The following TRIM25 variants were observed in gnomAD, a reference collection of about 807,000 sequenced individuals.
TRIM25 encodes E3 ubiquitin/ISG15 ligase TRIM25.
Under a neutral mutation model 65.2 loss-of-function variants are expected in TRIM25, and 45 were observed. That is an observed-to-expected ratio of 0.69 (90% confidence interval 0.54 to 0.89). The LOEUF is 0.89. Ranked by LOEUF, TRIM25 falls within the 40% of genes least tolerant of loss-of-function variation. The pLI is 0.00. For synonymous variants in TRIM25, 321 were observed against 340.4 expected (o/e 0.94, Z 0.63); for missense variants, 714 against 803.7 (o/e 0.89, Z 1.35).
rs1486032908 is a variant in TRIM25, at chr17:56,913,514, G to A, written c.475C>T (p.Gln159Ter). 1 of 1,613,872 alleles carries A rather than the reference G, an allele frequency of 6.2e-7. No homozygotes were observed. The highest frequency in any genetic ancestry group is 2.2e-5 in the East Asian group (1 of 44,872). The change falls in exon 1 of 9, where the codon CAG becomes TAG. Residue 159 changes from glutamine (Q) to a stop codon, truncating the protein, a stop_gained. Coordinates refer to ENST00000316881, the MANE Select transcript of TRIM25 (RefSeq NM_005082.5). LOFTEE classifies it high-confidence loss of function. This position sits in a 1 kb window ranked among gnomAD's most constrained non-coding sequence, Gnocchi z 6.1. ...AAAAATTCCCGCAGCCGATTGTGCT[G>A]GGAACATTTGCGGCGCAACAGGTCG... ...VRDLLRRKCS[Q>*]HNRLREFFCP... is the part of the protein sequence containing the mutation.
At chr17:56,899,024 G>T in intron 5 of TRIM25, 91 bp downstream of exon 5, 3 of 1,481,016 alleles carry the variant, frequency 2.0e-6, no homozygotes, top group East Asian at 2.3e-5. Flanking sequence ...AGGCCCCACA[G>T]TGACTCGGGA....
rs1909126976 is a variant in TRIM25 at position 56,889,670 on chromosome 17, T to C, written c.*2030A>G. On this transcript the variant is annotated 3_prime_UTR_variant, in exon 9 of 9. Coordinates refer to ENST00000316881, the MANE Select transcript of TRIM25 (RefSeq NM_005082.5). ...ACATTTGCCAGGGAAGTGGCCTCAC[T>C]GTTGCCCTCATTTCTGCAGAAGAGA... The C allele has an allele frequency of 2.5e-6, 1 of 398,364 alleles. No homozygotes were observed. Among genetic ancestry groups the C allele is most frequent in the South Asian group, 1.3e-4 (1 of 7,808 alleles). 24.7% of individuals were successfully genotyped at this position (398,364 alleles called of 1,614,324 possible).
chr17:56,890,933 G>C lies in TRIM25; in HGVS notation c.*767C>G, dbSNP rs1909157786. On this transcript the variant is annotated 3_prime_UTR_variant, in exon 9 of 9. Transcript: ENST00000316881. ...GCCAAGATGCTTCTTATGATACTTA[G>C]GAAGGATTTCCACCCAAACTGGATC... 1 of 456,070 alleles carries C rather than the reference G, an allele frequency of 2.2e-6. No individual in the cohort carries two copies. The highest frequency in any genetic ancestry group is 4.4e-6 in the Non-Finnish European group (1 of 226,688). 28.3% of individuals were successfully genotyped at this position (456,070 alleles called of 1,614,324 possible). A position where few individuals can be genotyped will look rare whatever the true frequency, so the allele number is the denominator to read the frequency against.
chr17:56,901,612 C>T, intron 3 of TRIM25, 34 bp from the exon 4 acceptor site: 4 of 1,612,458 alleles, frequency 2.5e-6, no homozygotes, highest in Non-Finnish European at 3.4e-6. Context: ...GCAGGCAGCT[C>T]TGGTGAAACG....
chr17:56,898,185 G>A (rs889348011), intron 5 of TRIM25, among the ~76,000 whole-genome samples: 3 of 152,074 alleles, frequency 2.0e-5, no homozygotes, highest in East Asian at 1.9e-4. Context: ...ACATCTCAGC[G>A]ATATATGAAC....
rs1447397935 is a variant in TRIM25, at chr17:56,898,885, G to GC, written c.1153+229dup. 3 of 538,702 alleles carry GC rather than the reference G, an allele frequency of 5.6e-6. No homozygotes were observed. In the African/African-American group the frequency reaches 5.8e-5, roughly 10 times the overall value. The allele number at this position is 538,702 out of a possible 1,614,324, so 33.4% of individuals were successfully genotyped here. On this transcript the variant is annotated intron_variant, in intron 5 of 8. Transcript: ENST00000316881. ...GTATAGTAAATATTTCTCAAAACAA[G>GC]CCAGCCTCAGGCATCTTGCTGTTCC...
rs1909280718 is a variant in TRIM25, at chr17:56,895,782, C to A, written c.1180+144G>T. The A allele has an allele frequency of 2.0e-5, 25 of 1,245,112 alleles. No homozygotes were observed. The South Asian group carries it at 3.7e-4, about 19-fold the overall frequency. The allele number at this position is 1,245,112 out of a possible 1,614,324, so 77.1% of individuals were successfully genotyped here. ...ACTTATGCTTGTCCTCCCCTCCAGC[C>A]TCAGGCCTGCTGCCATTACAGAATG... On this transcript the variant is annotated intron_variant, in intron 6 of 8. Coordinates refer to ENST00000316881, the MANE Select transcript of TRIM25 (RefSeq NM_005082.5).
rs539770728 is a variant in TRIM25, at chr17:56,891,065, G to A, written c.*635C>T. ...GTTTGAAAACCATCAATGTGGGGGC[G>A]ATGGGTGTGCAGGGTAGGAAGGGAA... On this transcript the variant is annotated 3_prime_UTR_variant, in exon 9 of 9. Coordinates refer to ENST00000316881, the MANE Select transcript of TRIM25 (RefSeq NM_005082.5). 173 of 390,702 alleles carry A rather than the reference G, an allele frequency of 4.4e-4. No homozygotes were observed. The highest frequency in any genetic ancestry group is 3.0e-3 in the South Asian group (157 of 52,900). The allele number at this position is 390,702 out of a possible 1,614,324, so 24.2% of individuals were successfully genotyped here.
At chr17:56,908,355 C>A in intron 2 of TRIM25, 113 bp downstream of exon 2, 1 of 1,001,286 alleles carries the variant, frequency 1.0e-6, no homozygotes. Context: ...TTCATCCTGA[C>A]ACTGTGAGTG....
chr17:56,892,163 G>A lies in TRIM25; in HGVS notation c.1430C>T (p.Thr477Ile). 1 of 1,613,896 alleles carries A rather than the reference G, an allele frequency of 6.2e-7. No homozygotes were observed. Among genetic ancestry groups the A allele is most frequent in the Non-Finnish European group, 8.5e-7 (1 of 1,179,812 alleles). Residue 477 changes from threonine to isoleucine, a missense_variant, in exon 9 of 9, where the codon ACA becomes ATA. Physicochemically the swap from Thr to Ile is moderately conservative, Grantham distance 89. This residue lies in a region of TRIM25 where 413 missense variants were observed against 498.2 expected (regional missense o/e 0.83). Transcript: ENST00000316881. ...AGGCATCTCAGCCACAGAAGCTACT[G>A]TATAGCACTCTGACAGAGCCACTTT... ...HNKVALSECY[T>I]VASVAEMPQN...
Position 56,913,459 on chromosome 17 carries a change from T to C in TRIM25, c.530A>G (p.His177Arg), listed in dbSNP as rs763606542. 1 of 1,610,886 alleles carries C rather than the reference T, an allele frequency of 6.2e-7. No homozygotes were observed. Among genetic ancestry groups the C allele is most frequent in the Non-Finnish European group, 8.5e-7 (1 of 1,178,046 alleles). ...FCPEHSECIC[H>R]ICLVEHKTCS... ...GGTCTTATGCTCCACCAGGCAGATGTGGCAGATGCACTCGCTGTGCTCGGG... is the reference window on the plus strand; with the variant it reads ...GGTCTTATGCTCCACCAGGCAGATGCGGCAGATGCACTCGCTGTGCTCGGG... The change falls in exon 1 of 9, where the codon CAC becomes CGC. Residue 177 changes from histidine (H) to arginine (R), a missense_variant. Coordinates refer to ENST00000316881, the MANE Select transcript of TRIM25 (RefSeq NM_005082.5). The surrounding 1 kb of genome is among the most constrained non-coding windows in gnomAD (Gnocchi z 6.1).
intron 5 of TRIM25, among the ~76,000 whole-genome samples, chr17:56,896,298 A>G (rs1302138569): frequency 6.6e-6 from 1 of 152,058 alleles, no homozygotes; most frequent in African/African-American, 2.4e-5. Flanking sequence ...TACTGCAGGT[A>G]AATTATATTT....
At position 56,891,825 on chromosome 17, in the gene TRIM25, A is replaced by T; in HGVS notation, c.1768T>A (p.Phe590Ile). The change falls in exon 9 of 9, where the codon TTC (phenylalanine) becomes ATC (isoleucine). Residue 590 changes from phenylalanine to isoleucine, a missense_variant. Coordinates refer to ENST00000316881, the MANE Select transcript of TRIM25 (RefSeq NM_005082.5). ...TGGACCTTGTCGGCAACAGCGAAGAAGATGACAAAGCCGTGGTCACAGTTG... is the reference window on the plus strand; with the variant it reads ...TGGACCTTGTCGGCAACAGCGAAGATGATGACAAAGCCGTGGTCACAGTTG... ...LLNCDHGFVI[F>I]FAVADKVHLM... is the part of the protein sequence containing the mutation. The T allele has an allele frequency of 6.2e-7, 1 of 1,614,264 alleles. No homozygotes were observed. The highest frequency in any genetic ancestry group is 8.5e-7 in the Non-Finnish European group (1 of 1,180,040).
intron 1 of TRIM25, chr17:56,912,097 A>G (rs562529064): frequency 6.6e-6 from 1 of 152,292 alleles, no homozygotes; most frequent in East Asian, 1.9e-4. Flanking sequence ...CAGACCCCCA[A>G]CTCTGACCTT....
intron 4 of TRIM25, among the ~76,000 whole-genome samples, chr17:56,901,186 A>G (rs1909403623): frequency 6.6e-6 from 1 of 152,228 alleles, no homozygotes. Context: ...ATCTGTCCAG[A>G]AAGTCCAAGC....
At chr17:56,896,026 A>G (rs991040858) in intron 5 of TRIM25, 74 bp from the exon 6 acceptor site, 5 of 1,455,340 alleles carry the variant, frequency 3.4e-6, no homozygotes, top group Non-Finnish European at 4.7e-6. Flanking sequence ...AATAACATTC[A>G]TGTGCATGAA....
chr17:56,889,774 C>T lies in TRIM25; in HGVS notation c.*1926G>A. The T allele has an allele frequency of 2.5e-6, 1 of 398,468 alleles. No homozygotes were observed. Among genetic ancestry groups the T allele is most frequent in the Non-Finnish European group, 4.4e-6 (1 of 225,940 alleles). 24.7% of individuals were successfully genotyped at this position (398,468 alleles called of 1,614,324 possible). A position where few individuals can be genotyped will look rare whatever the true frequency, so the allele number is the denominator to read the frequency against. On this transcript the variant is annotated 3_prime_UTR_variant, in exon 9 of 9. Transcript: ENST00000316881. ...CTGTTTCCCAAGTATTAATTGGTTT[C>T]AGACAAGGCTTTCGTTTCAGAAAAT...
chr17:56,899,755 T>C (rs1465593685), intron 4 of TRIM25, among the ~76,000 whole-genome samples: 2 of 152,226 alleles, frequency 1.3e-5, no homozygotes, highest in Non-Finnish European at 2.9e-5. Context: ...GGCCAGGCTC[T>C]GTGCTAGGCA....
chr17:56,910,465 C>T (rs1909604825), intron 1 of TRIM25, among the ~76,000 whole-genome samples: 1 of 152,224 alleles, frequency 6.6e-6, no homozygotes, highest in Non-Finnish European at 1.5e-5. Context: ...CTACATACAT[C>T]CGGCCTTGCT....
Sources: allele counts gnomAD v4.1 joint callset (sites outside exome capture counted in the v4.1 genomes callset), GRCh38; gene constraint gnomAD v4.1.1; regional missense constraint gnomAD v4.1.1; non-coding constraint Gnocchi (gnomAD v3.1); transcripts MANE v1.5; gene names NCBI Gene and HGNC (gene_info 2026-07-23, HGNC 2026-07-21).